The following POLR3G variants were observed in gnomAD, a reference collection of about 807,000 sequenced individuals.
The protein encoded by POLR3G is DNA-directed RNA polymerase III subunit RPC7.
POLR3G carries 28 observed loss-of-function variants against 30.1 expected under a neutral mutation model. The ratio of observed to expected loss-of-function variants is 0.93; its 90% CI spans 0.69 to 1.27. The LOEUF (loss-of-function observed/expected upper bound fraction) is 1.27, where lower values mean the gene tolerates loss of function less well. POLR3G is among the 50% of genes most tolerant of loss of function. POLR3G has a pLI of 0.00. For synonymous variants in POLR3G, 79 were observed against 82.5 expected (o/e 0.96, Z 0.23); for missense variants, 254 against 264.6 (o/e 0.96, Z 0.28).
At chr5:90,503,211 G>T (rs1252944947) in intron 6 of POLR3G, among the ~76,000 whole-genome samples, 1 of 152,184 alleles carries the variant, frequency 6.6e-6, no homozygotes, top group Non-Finnish European at 1.5e-5. Flanking sequence ...AACAAGGAGA[G>T]GTGGATATTA....
chr5:90,513,810 A>G lies in POLR3G; in HGVS notation c.*1671A>G, dbSNP rs778392901. On this transcript the variant is annotated 3_prime_UTR_variant, in exon 8 of 8. Transcript: ENST00000651687. Reference sequence around the variant, plus strand: ...CTAAATGGAATACACGAATAAAGTAAGCCTTAGAATAGAAACCTCACAAAA... The same window carrying G: ...CTAAATGGAATACACGAATAAAGTAGGCCTTAGAATAGAAACCTCACAAAA... 6.6e-6 allele frequency: 1 copy of G among 152,228 alleles called. No homozygotes were observed. The highest frequency in any genetic ancestry group is 1.5e-5 in the Non-Finnish European group (1 of 68,022). The allele number at this position is 152,228 out of a possible 1,614,324, so 9.4% of individuals were successfully genotyped here. A position where few individuals can be genotyped will look rare whatever the true frequency, so the allele number is the denominator to read the frequency against.
chr5:90,495,531 C>T lies in POLR3G; in HGVS notation c.248-146C>T, dbSNP rs148852084. 3.7e-6 allele frequency: 5 copies of T among 1,368,944 alleles called. No individual in the cohort carries two copies. In the African/African-American group the frequency reaches 6.1e-5, roughly 17 times the overall value. The allele number at this position is 1,368,944 out of a possible 1,614,324, so 84.8% of individuals were successfully genotyped here. A position where few individuals can be genotyped will look rare whatever the true frequency, so the allele number is the denominator to read the frequency against. On this transcript the variant is annotated intron_variant, in intron 3 of 7. Transcript: ENST00000651687. ...TCCTTGCCTACCCCTACCCTTTTTCCCATTCTCTTATGTACAAAGGTGGGA... is the reference window on the plus strand; with the variant it reads ...TCCTTGCCTACCCCTACCCTTTTTCTCATTCTCTTATGTACAAAGGTGGGA...
At chr5:90,480,297 ACT>A (rs887446058) in intron 1 of POLR3G, among the ~76,000 whole-genome samples, 2 of 152,096 alleles carry the variant, frequency 1.3e-5, no homozygotes, top group Admixed American at 6.5e-5. Flanking sequence ...GGATCCAGGG[ACT>A]CTCTCTGAGC....
chr5:90,490,274 G>GTTTT (rs67906055), intron 3 of POLR3G, among the ~76,000 whole-genome samples: 60 of 131,540 alleles, frequency 4.6e-4, no homozygotes, highest in African/African-American at 1.6e-3. Flanking sequence ...AAATATAAGG[G>GTTTT]TTTTTTTTTT....
rs573114280 is a variant in POLR3G, at chr5:90,484,519, C to T, written c.-43-1006C>T. 8.5e-5 allele frequency among the ~76,000 whole-genome samples: 13 copies of T among 152,302 alleles called. No homozygotes were observed. The South Asian group carries it at 1.5e-3, about 17-fold the overall frequency. ...TTGTTGGTTTTACGTAGTGTTCCTT[C>T]ACCATTAATGTGGTAGACTAAGAAG... On this transcript the variant is annotated intron_variant, in intron 1 of 7. Transcript: ENST00000651687.
chr5:90,496,916 A>G (rs1752024161), intron 4 of POLR3G, among the ~76,000 whole-genome samples: 1 of 152,232 alleles, frequency 6.6e-6, no homozygotes, highest in South Asian at 2.1e-4. Flanking sequence ...TCTAAAATGA[A>G]TAGCTTATAA....
chr5:90,508,440 C>T (rs1012629337), intron 7 of POLR3G, among the ~76,000 whole-genome samples: 14 of 151,820 alleles, frequency 9.2e-5, no homozygotes, highest in African/African-American at 3.1e-4. Flanking sequence ...ATATTTTTAA[C>T]CTCTTTTTCT....
Position 90,485,678 on chromosome 5 carries a change from A to T in POLR3G, c.111A>T (p.Leu37=). Reference sequence around the variant, plus strand: ...ATGTAGTGTTGAAACCACCCCCACTATTTCCTGTAAGTATATGAACAGTTG... The same window carrying T: ...ATGTAGTGTTGAAACCACCCCCACTTTTTCCTGTAAGTATATGAACAGTTG... The part of the protein sequence containing the change: ...LPDVVLKPPP[L]FPDTDYKPVP... Residue 37 remains leucine (L), a synonymous_variant, in exon 2 of 8, where the codon CTA becomes CTT. Transcript: ENST00000651687. 1 of 1,606,902 alleles carries T rather than the reference A, an allele frequency of 6.2e-7. No homozygotes were observed.
intron 2 of POLR3G, among the ~76,000 whole-genome samples, chr5:90,487,377 A>ATT (rs1751494255): frequency 8.5e-5 from 7 of 82,510 alleles, no homozygotes; most frequent in African/African-American, 1.6e-4. Flanking sequence ...TTGGTACATT[A>ATT]ATTTTTTTTT....
chr5:90,504,233 G>T (rs925292896), intron 6 of POLR3G, among the ~76,000 whole-genome samples: 2 of 151,796 alleles, frequency 1.3e-5, no homozygotes, highest in Non-Finnish European at 2.9e-5. Context: ...AGACTTCCTG[G>T]TTCCTATGTG....
rs1210710778 is a variant in POLR3G, at chr5:90,513,674, T to C, written c.*1535T>C. ...AAAAGATGTTTCAATGGCAATACTT[T>C]CTTAAATAATTCAAGATGGGTGTGA... On this transcript the variant is annotated 3_prime_UTR_variant, in exon 8 of 8. Coordinates refer to ENST00000651687, the MANE Select transcript of POLR3G (RefSeq NM_006467.3). The C allele has an allele frequency of 6.6e-6, 1 of 152,316 alleles. No individual in the cohort carries two copies. The highest frequency in any genetic ancestry group is 2.4e-5 in the African/African-American group (1 of 41,584). The allele number at this position is 152,316 out of a possible 1,614,324, so 9.4% of individuals were successfully genotyped here.
chr5:90,498,538 T>G (rs1752098297), intron 5 of POLR3G, among the ~76,000 whole-genome samples: 1 of 152,234 alleles, frequency 6.6e-6, no homozygotes, highest in South Asian at 2.1e-4. Flanking sequence ...TGGTTTTCTG[T>G]TCCTGCATTT....
chr5:90,505,529 G>A (rs1176265692), intron 6 of POLR3G, among the ~76,000 whole-genome samples: 2 of 152,200 alleles, frequency 1.3e-5, no homozygotes, highest in African/African-American at 4.8e-5. Context: ...GGTTCCACTT[G>A]TGGATAAGTG....
upstream of POLR3G, chr5:90,473,930 G>A (rs1580184921): frequency 1.9e-6 from 3 of 1,605,238 alleles, no homozygotes; most frequent in East Asian, 2.2e-5. Context: ...CCTCGCTATC[G>A]GAAAGCCAGG....
intron 7 of POLR3G, among the ~76,000 whole-genome samples, chr5:90,510,952 GATA>G (rs969584024): frequency 3.3e-5 from 5 of 151,370 alleles, no homozygotes; most frequent in African/African-American, 1.2e-4. Flanking sequence ...TCTTACTATA[GATA>G]GTAGAGATGT....
At chr5:90,473,945 G>T, upstream of POLR3G, 2 of 1,603,716 alleles carry the variant, frequency 1.2e-6, no homozygotes, top group Non-Finnish European at 1.7e-6. Flanking sequence ...GCCAGGTCAC[G>T]GTCTCAAAGT....
At chr5:90,477,764 A>G (rs1457512232) in intron 1 of POLR3G, among the ~76,000 whole-genome samples, 4 of 152,158 alleles carry the variant, frequency 2.6e-5, no homozygotes, top group Admixed American at 6.5e-5. Flanking sequence ...CAAAGCAAAG[A>G]AAGAATGAAG....
chr5:90,508,862 G>C (rs1269729380), intron 7 of POLR3G, among the ~76,000 whole-genome samples: 5 of 152,152 alleles, frequency 3.3e-5, no homozygotes, highest in Non-Finnish European at 7.3e-5. Context: ...AGGAGTTCAA[G>C]ACAAGCCTTG....
Position 90,479,456 on chromosome 5 carries a change from G to A in POLR3G, c.-44+4436G>A, listed in dbSNP as rs865956496. ...CCAATGCACTCCAGCCTGGGCGACAGAGCAAGAGTCCATCTCGGGAAAAAA... is the reference window on the plus strand; with the variant it reads ...CCAATGCACTCCAGCCTGGGCGACAAAGCAAGAGTCCATCTCGGGAAAAAA... On this transcript the variant is annotated intron_variant, in intron 1 of 7. Coordinates refer to ENST00000651687, the MANE Select transcript of POLR3G (RefSeq NM_006467.3). Among the ~76,000 whole-genome samples the A allele has an allele frequency of 2.0e-5, 3 of 152,284 alleles. No individual in the cohort carries two copies. In the South Asian group the frequency reaches 6.2e-4, roughly 32 times the overall value.
Sources: gnomAD v4.1 joint callset for allele counts (sites outside exome capture counted in the v4.1 genomes callset) on GRCh38, gnomAD v4.1.1 for gene constraint, MANE v1.5 for transcripts, NCBI Gene and HGNC (gene_info 2026-07-23, HGNC 2026-07-21) for gene names.